The following RSPH10B2 variants were observed in gnomAD, a reference collection of about 807,000 sequenced individuals.
The protein encoded by RSPH10B2 is radial spoke head 10 homolog B2 (Chlamydomonas).
Under a neutral mutation model 49.0 loss-of-function variants are expected in RSPH10B2, and 9 were observed. The observed-to-expected ratio is 0.18, with a 90% confidence interval of 0.11 to 0.32. The LOEUF is 0.32. Ranked by LOEUF, RSPH10B2 falls within the 10% of genes least tolerant of loss-of-function variation. The pLI, the probability that RSPH10B2 is intolerant of heterozygous loss-of-function variation, is 1.00. For synonymous variants in RSPH10B2, 35 were observed against 210.2 expected, an observed-to-expected ratio of 0.17 and a Z score of 7.21; for missense variants, 95 against 589.9, an observed-to-expected ratio of 0.16 and a Z score of 8.69.
intron 4 of RSPH10B2, among the ~76,000 whole-genome samples, chr7:6,764,317 T>C (rs1185546420): frequency 5.4e-5 from 8 of 149,262 alleles, no homozygotes. Context: ...TATTCACTTT[T>C]TGTTTATTGA....
chr7:6,780,334 C>G (rs1262223390), intron 11 of RSPH10B2, among the ~76,000 whole-genome samples: 1 of 125,564 alleles, frequency 8.0e-6, no homozygotes, highest in Admixed American at 9.0e-5. Context: ...AATTTCTTGT[C>G]TTTCTTACAG....
chr7:6,756,112 CAA>C (rs1177338587), upstream of RSPH10B2, among the ~76,000 whole-genome samples: 5 of 149,354 alleles, frequency 3.3e-5, no homozygotes, highest in Non-Finnish European at 7.4e-5. Context: ...ACTAAAAATA[CAA>C]AAAGAATTAG....
intron 7 of RSPH10B2, among the ~76,000 whole-genome samples, chr7:6,770,653 C>T (rs1284004617): frequency 9.5e-5 from 14 of 146,700 alleles, no homozygotes; most frequent in African/African-American, 3.5e-4. Flanking sequence ...CGCCTGTAAT[C>T]CCAACACTTT....
At chr7:6,767,860 T>A (rs889722826) in intron 6 of RSPH10B2, among the ~76,000 whole-genome samples, 1 of 76,236 alleles carries the variant, frequency 1.3e-5, no homozygotes, top group Non-Finnish European at 2.4e-5. Context: ...GCGTTGGGAT[T>A]ACAGGCATGA....
chr7:6,797,619 G>C (rs867475076), intron 18 of RSPH10B2, among the ~76,000 whole-genome samples: 5 of 152,288 alleles, frequency 3.3e-5, no homozygotes, highest in Non-Finnish European at 7.3e-5. Context: ...CCAGCATTTT[G>C]GGGGGCCAAG....
chr7:6,793,870 C>T (rs1381029687), intron 17 of RSPH10B2, among the ~76,000 whole-genome samples: 2 of 150,848 alleles, frequency 1.3e-5, no homozygotes, highest in Non-Finnish European at 2.9e-5. Flanking sequence ...AAAGGAAAAT[C>T]TCTTCTCCCA....
At chr7:6,769,603 T>G (rs1311552624) in intron 7 of RSPH10B2, among the ~76,000 whole-genome samples, 1 of 106,680 alleles carries the variant, frequency 9.4e-6, no homozygotes, top group East Asian at 2.1e-4. Flanking sequence ...TTTTTCTTTT[T>G]TTTGAGACAG....
upstream of RSPH10B2, among the ~76,000 whole-genome samples, chr7:6,756,083 C>A (rs867702797): frequency 7.4e-3 from 1,117 of 150,082 alleles, 2 homozygotes; most frequent in East Asian, 0.012. Flanking sequence ...CCTGGCTAAC[C>A]CGGTGAAACC....
intron 6 of RSPH10B2, among the ~76,000 whole-genome samples, chr7:6,768,339 A>G (rs1464150169): frequency 6.6e-6 from 1 of 152,300 alleles, no homozygotes; most frequent in African/African-American, 2.4e-5. Context: ...ACTGCTTTAT[A>G]TCTAACCTGA....
intron 12 of RSPH10B2, among the ~76,000 whole-genome samples, 163 bp downstream of exon 14, chr7:6,781,051 C>A (rs1781917008): frequency 8.7e-6 from 1 of 115,542 alleles, no homozygotes; most frequent in African/African-American, 3.4e-5. Flanking sequence ...ACCTGGCCAA[C>A]ATGGCAAAAC....
chr7:6,776,860 G>A (rs1277345437), intron 10 of RSPH10B2, among the ~76,000 whole-genome samples: 2 of 105,244 alleles, frequency 1.9e-5, no homozygotes, highest in Non-Finnish European at 3.8e-5. Flanking sequence ...CTGGGTGACA[G>A]GGCGAGACTC....
intron 3 of RSPH10B2, among the ~76,000 whole-genome samples, chr7:6,761,711 T>A (rs1164205779): frequency 2.0e-5 from 3 of 151,418 alleles, no homozygotes; most frequent in Non-Finnish European, 3.0e-5. Flanking sequence ...TAGCTGGGAT[T>A]ACAGGCGCCC....
chr7:6,763,771 AAG>A (rs1477305791), intron 3 of RSPH10B2, among the ~76,000 whole-genome samples, 155 bp from the exon 6 acceptor site: 1 of 146,358 alleles, frequency 6.8e-6, no homozygotes, highest in Admixed American at 6.9e-5. Flanking sequence ...ACAAGGAAGG[AAG>A]AGAGAGAGTG....
Position 6,764,176 on chromosome 7 carries a change from T to C in RSPH10B2, c.573+75T>C. The stretch of plus-strand genomic sequence containing the variant: ...TGGGCGGACATGGGGGGGGCAGCCA[T>C]GAGGGGGCAAGGTCGGGGGGGTCGG... On this transcript the variant is annotated intron_variant, in intron 4 of 18. Coordinates refer to ENST00000297186, the Ensembl canonical transcript of RSPH10B2. 3 of 147,194 alleles carry C rather than the reference T, an allele frequency of 2.0e-5. No individual in the cohort carries two copies. The South Asian group carries it at 3.2e-4, about 16-fold the overall frequency. 9.1% of individuals were successfully genotyped at this position (147,194 alleles called of 1,614,324 possible).
At chr7:6,783,753 G>T (rs987637991) in intron 13 of RSPH10B2, among the ~76,000 whole-genome samples, 1 of 151,244 alleles carries the variant, frequency 6.6e-6, no homozygotes, top group African/African-American at 2.4e-5. Flanking sequence ...GATTACAGGC[G>T]TGAGCCACTG....
chr7:6,796,313 CCAAAAAAAAAAAAA>C (rs1298216739), intron 17 of RSPH10B2, among the ~76,000 whole-genome samples: 2 of 122,594 alleles, frequency 1.6e-5, no homozygotes, highest in African/African-American at 5.7e-5. Flanking sequence ...GACTCTGTCT[CCAAAAAAAAAAAAA>C]CAAAAAAGAA....
intron 4 of RSPH10B2, among the ~76,000 whole-genome samples, chr7:6,764,833 C>T (rs1781407550): frequency 7.7e-6 from 1 of 129,256 alleles, no homozygotes; most frequent in Non-Finnish European, 1.6e-5. Flanking sequence ...AATGAGTTTG[C>T]CTGATCATGA....
At chr7:6,776,863 C>T (rs1309907957) in intron 10 of RSPH10B2, among the ~76,000 whole-genome samples, 141 of 88,818 alleles carry the variant, frequency 1.6e-3, no homozygotes, top group African/African-American at 5.8e-3. Flanking sequence ...GGTGACAGGG[C>T]GAGACTCCAT....
chr7:6,783,819 GAATAAT>G (rs376491869), intron 13 of RSPH10B2, among the ~76,000 whole-genome samples: 3 of 133,810 alleles, frequency 2.2e-5, no homozygotes, highest in African/African-American at 8.8e-5. Context: ...ATTGCCCATT[GAATAAT>G]AATAATAATA....
Sources: gnomAD v4.1 joint callset for allele counts (sites outside exome capture counted in the v4.1 genomes callset) on GRCh38, gnomAD v4.1.1 for gene constraint, MANE v1.5 for transcripts, NCBI Gene and HGNC (gene_info 2026-07-23, HGNC 2026-07-21) for gene names.